CNOT1: variants seen among roughly 807,000 people sequenced by gnomAD.
The protein encoded by CNOT1 is CCR4-NOT transcription complex subunit 1, also known as CCR4-associated factor 1.
A neutral mutation model predicts 273.8 loss-of-function variants in CNOT1; 15 were observed. The ratio of observed to expected loss-of-function variants is 0.05; its 90% CI spans 0.04 to 0.08. CNOT1 has a LOEUF of 0.08. CNOT1 is among the 10% of genes least tolerant of loss of function. CNOT1 has a pLI of 1.00. For synonymous variants in CNOT1, 1,022 were observed against 1,005.5 expected, an observed-to-expected ratio of 1.02 and a Z score of -0.31; for missense variants, 1,644 against 2,912.2, an observed-to-expected ratio of 0.56 and a Z score of 10.02.
At position 58,576,549 on chromosome 16, in the gene CNOT1, G is replaced by A; in HGVS notation, c.1618C>T (p.His540Tyr). 6.2e-7 allele frequency: 1 copy of A among 1,614,178 alleles called. No individual in the cohort carries two copies. Residue 540 changes from histidine (H) to tyrosine (Y), a missense_variant, in exon 14 of 49, where the codon CAT becomes TAT. His to Tyr is a moderately conservative substitution (Grantham distance 83). Around this residue, in one of 13 missense-constraint regions of CNOT1, gnomAD observed 706 missense variants for 1,021.2 expected, o/e 0.69. Coordinates refer to ENST00000317147, the MANE Select transcript of CNOT1 (RefSeq NM_016284.5). Reference sequence around the variant, plus strand: ...CTCATGTACCATTCTGCCATTGCATGCATGATAAGTTGGCGAATTGAGGGA... The same window carrying A: ...CTCATGTACCATTCTGCCATTGCATACATGATAAGTTGGCGAATTGAGGGA... ...QSPSIRQLIMHAMAEWYMRGE... is the reference protein window; with the variant it reads ...QSPSIRQLIMYAMAEWYMRGE...
intron 24 of CNOT1, among the ~76,000 whole-genome samples, chr16:58,550,785 T>C (rs976314870): frequency 1.8e-4 from 28 of 152,178 alleles, no homozygotes; most frequent in Non-Finnish European, 4.0e-4. Flanking sequence ...GCAAGTAGCA[T>C]GCATTCTTTA....
At chr16:58,550,956 A>C (rs1056741323) in intron 24 of CNOT1, among the ~76,000 whole-genome samples, 176 bp downstream of exon 24, 10 of 152,208 alleles carry the variant, frequency 6.6e-5, no homozygotes, top group Non-Finnish European at 1.3e-4. Flanking sequence ...GCTGCAAAAC[A>C]AAACCTTAAA....
At chr16:58,525,129 A>G in intron 46 of CNOT1, 50 bp downstream of exon 46, 1 of 1,549,644 alleles carries the variant, frequency 6.5e-7, no homozygotes, top group Non-Finnish European at 8.9e-7. Context: ...ATCAGATTGT[A>G]GCAAAAAGCA....
intron 46 of CNOT1, among the ~76,000 whole-genome samples, chr16:58,524,380 G>A (rs536065898): frequency 6.6e-6 from 1 of 151,910 alleles, no homozygotes; most frequent in South Asian, 2.1e-4. Flanking sequence ...ATTGGGTTTG[G>A]TTGTTTGCCT....
intron 1 of CNOT1, among the ~76,000 whole-genome samples, chr16:58,621,445 G>A (rs1405100823): frequency 2.0e-5 from 3 of 151,318 alleles, no homozygotes; most frequent in Non-Finnish European, 2.9e-5. Context: ...AACTAATTTT[G>A]TATTTTCAGT....
chr16:58,551,075 T>A, intron 24 of CNOT1, 57 bp downstream of exon 24: 1 of 1,587,990 alleles, frequency 6.3e-7, no homozygotes, highest in East Asian at 2.3e-5. Context: ...CAACTATACA[T>A]CCTTTAGTCC....
At chr16:58,595,031 T>C (rs1221896680) in intron 2 of CNOT1, among the ~76,000 whole-genome samples, 2 of 151,808 alleles carry the variant, frequency 1.3e-5, no homozygotes, top group Non-Finnish European at 2.9e-5. Flanking sequence ...AGAGAACTGC[T>C]TGAACCCGGG....
At chr16:58,526,817 C>CAAAAA (rs58419483) in intron 44 of CNOT1, among the ~76,000 whole-genome samples, 5 of 88,126 alleles carry the variant, frequency 5.7e-5, no homozygotes, top group African/African-American at 7.7e-5. Context: ...AACTCCGTCT[C>CAAAAA]AAAAAAAAAA....
At chr16:58,530,543 G>A in intron 42 of CNOT1, 196 bp from the exon 43 acceptor site, 1 of 392,944 alleles carries the variant, frequency 2.5e-6, no homozygotes, top group Admixed American at 4.1e-5. Context: ...AGCACTCTGG[G>A]AGGCCAAGGC....
chr16:58,583,136 C>T lies in CNOT1; in HGVS notation c.853G>A (p.Val285Ile). Reference protein sequence around the residue: ...NIIVQFGVREVTAAQVARVLG... With the variant: ...NIIVQFGVREITAAQVARVLG... ...ACCCTTGCAACCTGGGCAGCTGTGA[C>T]CTCCCGAACACCAAACTGCACGATT... Residue 285 changes from valine (V) to isoleucine (I), a missense_variant, in exon 9 of 49, where the codon GTC becomes ATC. Physicochemically the swap from Val to Ile is conservative, Grantham distance 29 (BLOSUM62 3). Coordinates refer to ENST00000317147, the MANE Select transcript of CNOT1 (RefSeq NM_016284.5). The T allele has an allele frequency of 1.2e-6, 2 of 1,613,978 alleles. No homozygotes were observed. Among genetic ancestry groups the T allele is most frequent in the Non-Finnish European group, 1.7e-6 (2 of 1,180,012 alleles).
At chr16:58,611,265 C>A (rs1418629530) in intron 1 of CNOT1, among the ~76,000 whole-genome samples, 1 of 148,634 alleles carries the variant, frequency 6.7e-6, no homozygotes, top group Non-Finnish European at 1.5e-5. Context: ...CCTGTCTCTG[C>A]TAAAATACAA....
At chr16:58,597,611 G>A (rs1485914374) in intron 2 of CNOT1, 1 of 397,242 alleles carries the variant, frequency 2.5e-6, no homozygotes, top group East Asian at 6.8e-5. Flanking sequence ...TTGGCACTTT[G>A]ATCTGTAAGC....
chr16:58,605,220 T>C (rs1464378933), intron 1 of CNOT1, among the ~76,000 whole-genome samples: 4 of 151,594 alleles, frequency 2.6e-5, no homozygotes, highest in African/African-American at 7.3e-5. Flanking sequence ...AAAACACATA[T>C]TGCTGGGCGT....
chr16:58,620,816 A>G (rs2044414159), intron 1 of CNOT1, among the ~76,000 whole-genome samples: 1 of 152,166 alleles, frequency 6.6e-6, no homozygotes, highest in South Asian at 2.1e-4. Flanking sequence ...CAAAGAAAGG[A>G]TATTTCCAAA....
intron 1 of CNOT1, among the ~76,000 whole-genome samples, chr16:58,627,701 CAA>C (rs964287193): frequency 1.4e-4 from 21 of 151,758 alleles, no homozygotes; most frequent in African/African-American, 4.8e-4. Context: ...AGCTGGGAAC[CAA>C]AAAGAGCACA....
chr16:58,559,348 TTATTA>T (rs1409452665), intron 17 of CNOT1, among the ~76,000 whole-genome samples: 1 of 152,198 alleles, frequency 6.6e-6, no homozygotes, highest in Non-Finnish European at 1.5e-5. Context: ...CATGGGACAC[TTATTA>T]TATTAATAAA....
intron 2 of CNOT1, among the ~76,000 whole-genome samples, chr16:58,590,758 C>T (rs946881466): frequency 1.3e-5 from 2 of 152,182 alleles, no homozygotes; most frequent in South Asian, 2.1e-4. Context: ...CAAAGCAGCA[C>T]CCTGTCTCAA....
chr16:58,552,205 T>TGA lies in CNOT1; in HGVS notation c.2971-388_2971-387dup, dbSNP rs1430268193. 4.0e-5 allele frequency among the ~76,000 whole-genome samples: 6 copies of TGA among 151,664 alleles called. No homozygotes were observed. In the East Asian group the frequency reaches 7.7e-4, roughly 20 times the overall value. On this transcript the variant is annotated intron_variant, in intron 22 of 48. Coordinates refer to ENST00000317147, the MANE Select transcript of CNOT1 (RefSeq NM_016284.5). Reference sequence around the variant, plus strand: ...AAACAAAACAAAAACCATGGTAGTATGAGTTATTATCACAATAAAGCTGTT... The same window carrying TGA: ...AAACAAAACAAAAACCATGGTAGTATGAGAGTTATTATCACAATAAAGCTGTT...
At chr16:58,609,572 C>T (rs1247413791) in intron 1 of CNOT1, among the ~76,000 whole-genome samples, 1 of 151,754 alleles carries the variant, frequency 6.6e-6, no homozygotes, top group East Asian at 1.9e-4. Context: ...AAGTGATCCT[C>T]CCGCCTTAGC....
Sources: gnomAD v4.1 joint callset for allele counts (sites outside exome capture counted in the v4.1 genomes callset) on GRCh38, gnomAD v4.1.1 for gene constraint, gnomAD v4.1.1 regional missense constraint, MANE v1.5 for transcripts, NCBI Gene and HGNC (gene_info 2026-07-23, HGNC 2026-07-21) for gene names.